DYM: variants seen among roughly 807,000 people sequenced by gnomAD.
DYM encodes the protein dymeclin.
A neutral mutation model predicts 93.1 loss-of-function variants in DYM; 78 were observed. The ratio of observed to expected loss-of-function variants is 0.84; its 90% CI spans 0.70 to 1.01. DYM has a LOEUF of 1.01. Among genes scored for constraint, DYM ranks in the 50% least tolerant of loss-of-function variants. The pLI is 0.00. For missense variants in DYM, 789 were observed against 845.0 expected, an observed-to-expected ratio of 0.93 and a Z score of 0.82; for synonymous variants, 321 against 319.7, an observed-to-expected ratio of 1.00 and a Z score of -0.04.
chr18:49,106,404 C>T (rs1449269782), intron 16 of DYM, among the ~76,000 whole-genome samples: 1 of 152,176 alleles, frequency 6.6e-6, no homozygotes, highest in African/African-American at 2.4e-5. Flanking sequence ...AGCCCATTTA[C>T]ATTTAAGGTT....
At chr18:49,372,424 A>G (rs2067129520) in intron 5 of DYM, among the ~76,000 whole-genome samples, 1 of 152,246 alleles carries the variant, frequency 6.6e-6, no homozygotes, top group Non-Finnish European at 1.5e-5. Flanking sequence ...GTGGACCAAG[A>G]GTAGGCTCAA....
chr18:49,053,530 G>A (rs1185431288), intron 17 of DYM, among the ~76,000 whole-genome samples: 1 of 152,132 alleles, frequency 6.6e-6, no homozygotes, highest in East Asian at 1.9e-4. Flanking sequence ...ATTGCTGGTC[G>A]CAAGGCAGAC....
chr18:49,407,034 G>A (rs1219399376), intron 2 of DYM, among the ~76,000 whole-genome samples: 4 of 152,200 alleles, frequency 2.6e-5, no homozygotes, highest in African/African-American at 9.7e-5. Flanking sequence ...GAACAAGTGA[G>A]ATCCATAACA....
intron 2 of DYM, among the ~76,000 whole-genome samples, chr18:49,404,005 T>G (rs113837472): frequency 0.013 from 1,995 of 152,148 alleles, 47 homozygotes; most frequent in South Asian, 0.079. Flanking sequence ...TCTGTTTTTT[T>G]TTTGTTTGTT....
intron 8 of DYM, among the ~76,000 whole-genome samples, chr18:49,326,517 C>T (rs907231161): frequency 1.3e-5 from 2 of 151,526 alleles, no homozygotes; most frequent in East Asian, 3.9e-4. Flanking sequence ...TTCTATTACA[C>T]TAATTTTAAA....
intron 1 of DYM, among the ~76,000 whole-genome samples, chr18:49,452,244 G>C (rs544674954): frequency 6.6e-6 from 1 of 152,158 alleles, no homozygotes; most frequent in Non-Finnish European, 1.5e-5. Context: ...GCAGACCTTC[G>C]CGGTGAGTGT....
intron 13 of DYM, among the ~76,000 whole-genome samples, chr18:49,212,079 A>T (rs932755212): frequency 6.6e-6 from 1 of 152,194 alleles, no homozygotes; most frequent in African/African-American, 2.4e-5. Flanking sequence ...CCAAAAAATC[A>T]AGCAAACCAA....
chr18:49,243,088 G>A (rs897543102), intron 13 of DYM, among the ~76,000 whole-genome samples: 1 of 152,118 alleles, frequency 6.6e-6, no homozygotes, highest in Non-Finnish European at 1.5e-5. Context: ...CTTTAAAAGA[G>A]GAGACCTGCT....
chr18:49,346,202 A>T (rs1476656497), intron 6 of DYM, among the ~76,000 whole-genome samples: 3 of 152,220 alleles, frequency 2.0e-5, no homozygotes, highest in Non-Finnish European at 4.4e-5. Context: ...CATTACTCAT[A>T]ATGGCCAAAA....
intron 11 of DYM, among the ~76,000 whole-genome samples, chr18:49,271,596 T>G (rs956216675): frequency 1.3e-5 from 2 of 152,024 alleles, no homozygotes; most frequent in Non-Finnish European, 2.9e-5. Context: ...AGGGTGAACA[T>G]GGGTCTGTTA....
rs146836951 is a variant in DYM at position 49,304,834 on chromosome 18, G to A, written c.764-18218C>T. On this transcript the variant is annotated intron_variant, in intron 8 of 17. Coordinates refer to ENST00000675505, the MANE Select transcript of DYM (RefSeq NM_001353214.3). ...CCGTGCTCATTTTGTAAATTTCTACGTCCCTGCAGACAAGGCACCCAACAA... is the reference window on the plus strand; with the variant it reads ...CCGTGCTCATTTTGTAAATTTCTACATCCCTGCAGACAAGGCACCCAACAA... 5.9e-3 allele frequency among the ~76,000 whole-genome samples: 894 copies of A among 152,022 alleles called. 4 individuals are homozygous for A. The highest frequency in any genetic ancestry group is 0.015 in the Admixed American group (236 of 15,272).
chr18:49,096,466 C>G (rs2079554203), intron 17 of DYM, among the ~76,000 whole-genome samples: 1 of 152,148 alleles, frequency 6.6e-6, no homozygotes, highest in Non-Finnish European at 1.5e-5. Flanking sequence ...AACACTGGAA[C>G]AGACGTGAAC....
chr18:49,272,122 G>A (rs1282280517), intron 11 of DYM, 56 bp downstream of exon 11: 55 of 1,524,774 alleles, frequency 3.6e-5, no homozygotes, highest in South Asian at 7.9e-5. Context: ...TAAATCTTAC[G>A]TAGGGACATG....
At chr18:49,072,458 C>G (rs566480189) in intron 17 of DYM, among the ~76,000 whole-genome samples, 1 of 152,360 alleles carries the variant, frequency 6.6e-6, no homozygotes, top group South Asian at 2.1e-4. Context: ...TCCCTGGCCA[C>G]CTCCCACTCC....
intron 13 of DYM, among the ~76,000 whole-genome samples, chr18:49,254,305 TATATATATATATATATATATAC>T (rs1470778873): frequency 1.7e-5 from 1 of 59,484 alleles, no homozygotes. Context: ...TATATATATA[TATATATATATATATATATATAC>T]ACACATAGAT....
intron 8 of DYM, among the ~76,000 whole-genome samples, chr18:49,325,072 G>A (rs181700707): frequency 2.0e-5 from 3 of 152,162 alleles, no homozygotes; most frequent in South Asian, 4.1e-4. Flanking sequence ...GAGAGGTCCC[G>A]GGATAATAAT....
chr18:49,131,333 CTTCT>C (rs1395429800), intron 15 of DYM, among the ~76,000 whole-genome samples: 2 of 147,590 alleles, frequency 1.4e-5, no homozygotes, highest in African/African-American at 2.4e-5. Flanking sequence ...GTCTCTGCCT[CTTCT>C]TTGTTTTTTG....
intron 11 of DYM, among the ~76,000 whole-genome samples, chr18:49,268,672 GC>G (rs1568137982): frequency 6.6e-6 from 1 of 152,072 alleles, no homozygotes; most frequent in East Asian, 1.9e-4. Context: ...TGCTGCTGAA[GC>G]AAATAATTAT....
chr18:49,432,101 T>G (rs76261236), intron 1 of DYM, among the ~76,000 whole-genome samples: 13,881 of 152,060 alleles, frequency 0.091, 849 homozygotes, highest in East Asian at 0.31. Context: ...GGCCGGGCGC[T>G]GTGGCTCACG....
Sources: allele counts gnomAD v4.1 joint callset (sites outside exome capture counted in the v4.1 genomes callset), GRCh38; gene constraint gnomAD v4.1.1; transcripts MANE v1.5; gene names NCBI Gene and HGNC (gene_info 2026-07-23, HGNC 2026-07-21).